Variants in CCDC66 observed in about 807,000 individuals in gnomAD.
CCDC66 encodes the protein coiled-coil domain-containing protein 66.
A neutral mutation model predicts 128.3 loss-of-function variants in CCDC66; 133 were observed. That is an observed-to-expected ratio of 1.04 (90% CI 0.90 to 1.20). The LOEUF (loss-of-function observed/expected upper bound fraction) is 1.20, where lower values mean the gene tolerates loss of function less well. CCDC66 is among the 50% of genes most tolerant of loss of function. The pLI is 0.00. For synonymous variants in CCDC66, 387 were observed against 357.0 expected (o/e 1.08, Z -0.95); for missense variants, 1,126 against 1,075.5 (o/e 1.05, Z -0.66).
chr3:56,621,169 C>CAAA lies in CCDC66; in HGVS notation c.2761-361_2761-359dup, dbSNP rs201468649. 6.8e-3 allele frequency: 877 copies of CAAA among 129,844 alleles called. 13 individuals are homozygous for CAAA. Among genetic ancestry groups the CAAA allele is most frequent in the African/African-American group, 0.024 (816 of 34,060 alleles). The allele number at this position is 129,844 out of a possible 1,614,324, so 8.0% of individuals were successfully genotyped here. A position where few individuals can be genotyped will look rare whatever the true frequency, so the allele number is the denominator to read the frequency against. On this transcript the variant is annotated intron_variant, in intron 17 of 17. Transcript: ENST00000394672. ...GCGAGACTCCATCTCCAAAAAAAAA[C>CAAA]AAAACAACAACAACAAAAAAAAAAC...
chr3:56,618,030 CTA>C (rs2075739608), intron 14 of CCDC66, 140 bp from the exon 15 acceptor site: 2 of 696,424 alleles, frequency 2.9e-6, no homozygotes, highest in East Asian at 2.6e-5. Context: ...CTGGAAAAAA[CTA>C]TATCTATTCC....
chr3:56,576,865 G>C (rs2067466554), intron 7 of CCDC66, among the ~76,000 whole-genome samples: 1 of 151,694 alleles, frequency 6.6e-6, no homozygotes, highest in Non-Finnish European at 1.5e-5. Flanking sequence ...ATTGTGAATA[G>C]TGCCGCAGTA....
chr3:56,586,866 A>G (rs946006323), intron 7 of CCDC66, among the ~76,000 whole-genome samples: 1 of 151,832 alleles, frequency 6.6e-6, no homozygotes, highest in African/African-American at 2.4e-5. Context: ...CGTGGGCAAC[A>G]TAGTGAGACC....
At chr3:56,557,821 G>C (rs2064551894) in intron 1 of CCDC66, 1 of 152,960 alleles carries the variant, frequency 6.5e-6, no homozygotes, top group African/African-American at 2.4e-5. Context: ...GATATTTTGA[G>C]AAGATGAGAA....
At chr3:56,602,869 C>G (rs1356896817) in intron 10 of CCDC66, among the ~76,000 whole-genome samples, 1 of 132,312 alleles carries the variant, frequency 7.6e-6, no homozygotes, top group South Asian at 2.4e-4. Context: ...GAGTGTTGCT[C>G]TGTCACCCAG....
chr3:56,621,762 A>G lies in CCDC66; in HGVS notation c.*144A>G. 2.4e-6 allele frequency: 1 copy of G among 411,728 alleles called. No homozygotes were observed. Among genetic ancestry groups the G allele is most frequent in the Non-Finnish European group, 4.4e-6 (1 of 228,342 alleles). The allele number at this position is 411,728 out of a possible 1,614,324, so 25.5% of individuals were successfully genotyped here. A position where few individuals can be genotyped will look rare whatever the true frequency, so the allele number is the denominator to read the frequency against. On this transcript the variant is annotated 3_prime_UTR_variant, in exon 18 of 18. Coordinates refer to ENST00000394672, the MANE Select transcript of CCDC66 (RefSeq NM_001141947.3). Reference sequence around the variant, plus strand: ...AAAAACTTGTATACTATGTAGTAAAATGCTGTACTTGTTCTATACAATAAA... The same window carrying G: ...AAAAACTTGTATACTATGTAGTAAAGTGCTGTACTTGTTCTATACAATAAA...
intron 2 of CCDC66, 114 bp from the exon 3 acceptor site, chr3:56,559,455 G>A (rs2107696720): frequency 1.5e-6 from 1 of 647,970 alleles, no homozygotes. Flanking sequence ...TTATGCTTTC[G>A]AGGATAATGT....
At position 56,566,998 on chromosome 3, in the gene CCDC66, G is replaced by A; in HGVS notation, c.759G>A (p.Arg253=). 1 of 1,614,184 alleles carries A rather than the reference G, an allele frequency of 6.2e-7. No individual in the cohort carries two copies. The highest frequency in any genetic ancestry group is 1.1e-5 in the South Asian group (1 of 91,086). ...ATATATTCAGTACTCTGGGGGAAAGGGAATGTGATAGAAGTTCGTTGGAAG... is the reference window on the plus strand; with the variant it reads ...ATATATTCAGTACTCTGGGGGAAAGAGAATGTGATAGAAGTTCGTTGGAAG... ...PADIFSTLGE[R]ECDRSSLEAK... Residue 253 remains arginine (R), a synonymous_variant, in exon 6 of 18, where the codon AGG becomes AGA. Coordinates refer to ENST00000394672, the MANE Select transcript of CCDC66 (RefSeq NM_001141947.3).
rs774281068 is a variant in CCDC66 at position 56,594,024 on chromosome 3, A to G, written c.1400A>G (p.His467Arg). 1 of 1,613,054 alleles carries G rather than the reference A, an allele frequency of 6.2e-7. No individual in the cohort carries two copies. The highest frequency in any genetic ancestry group is 2.2e-5 in the East Asian group (1 of 44,872). ...AGACGACGACAAAAACAATTAGAGC[A>G]TCAGGTATTGCATTGTTAAACATTG... Reference protein sequence around the residue: ...RDRRRQKQLEHQKAITAQVEE... With the variant: ...RDRRRQKQLERQKAITAQVEE... Residue 467 changes from histidine to arginine, a missense_variant, in exon 10 of 18, where the codon CAT becomes CGT. His to Arg is a conservative substitution (Grantham distance 29, BLOSUM62 0). Coordinates refer to ENST00000394672, the MANE Select transcript of CCDC66 (RefSeq NM_001141947.3).
intron 15 of CCDC66, 163 bp downstream of exon 15, chr3:56,618,375 T>C (rs2107423016): frequency 1.7e-6 from 1 of 586,474 alleles, no homozygotes; most frequent in Non-Finnish European, 3.0e-6. Context: ...GTGTGGCACT[T>C]TAGCAGGAGC....
chr3:56,599,906 C>T (rs2072841814), intron 10 of CCDC66, among the ~76,000 whole-genome samples: 1 of 152,046 alleles, frequency 6.6e-6, no homozygotes, highest in Admixed American at 6.5e-5. Flanking sequence ...GGTTCAACTC[C>T]CACTTATGAG....
intron 7 of CCDC66, among the ~76,000 whole-genome samples, chr3:56,576,635 C>G (rs1047580880): frequency 6.8e-6 from 1 of 147,414 alleles, no homozygotes; most frequent in Non-Finnish European, 1.5e-5. Context: ...TAGTTCCCAC[C>G]TATAAGTGAG....
At chr3:56,610,515 C>T (rs774393156) in intron 10 of CCDC66, among the ~76,000 whole-genome samples, 43 of 152,272 alleles carry the variant, frequency 2.8e-4, no homozygotes, top group Middle Eastern at 3.4e-3. Flanking sequence ...CTTCGCCTTT[C>T]TCTGGTCCCT....
At position 56,606,365 on chromosome 3, in the gene CCDC66, G is replaced by A. The variant is rs902832639; in HGVS notation, c.1405-7224G>A. Among the ~76,000 whole-genome samples the A allele has an allele frequency of 3.7e-4, 56 of 152,016 alleles. 1 individual carries two copies. Among genetic ancestry groups the A allele is most frequent in the African/African-American group, 1.1e-3 (45 of 41,314 alleles). On this transcript the variant is annotated intron_variant, in intron 10 of 17. Transcript: ENST00000394672. The stretch of plus-strand genomic sequence containing the variant: ...CAGTTAGCTCGGTGTCTGCACAAAC[G>A]GCCGCCCAGTTTTGTGCTTGAAATC...
Position 56,621,809 on chromosome 3 carries a change from G to C in CCDC66, c.*191G>C. 1 of 180,146 alleles carries C rather than the reference G, an allele frequency of 5.6e-6. No individual in the cohort carries two copies. Among genetic ancestry groups the C allele is most frequent in the Non-Finnish European group, 1.1e-5 (1 of 95,114 alleles). The allele number at this position is 180,146 out of a possible 1,614,324, so 11.2% of individuals were successfully genotyped here. On this transcript the variant is annotated 3_prime_UTR_variant, in exon 18 of 18. Transcript: ENST00000394672. ...TAAAACAGATACTTCTTTTGTAAAA[G>C]CTTAGTAGTAAAAAAAAAAAAAAAA... is the stretch of plus-strand genomic sequence containing the variant.
At chr3:56,566,153 T>G (rs1319492959) in intron 4 of CCDC66, among the ~76,000 whole-genome samples, 1 of 152,132 alleles carries the variant, frequency 6.6e-6, no homozygotes, top group African/African-American at 2.4e-5. Context: ...TGAGACGACA[T>G]CTGGCCCAGA....
rs74266053 is a variant in CCDC66 at position 56,594,295 on chromosome 3, G to GTT, written c.1404+279_1404+280dup. ...TTTGTGTTGTCTTAGGTTAGTACTG[G>GTT]TTTTTTTTTTTTTCATCAATTTATT... On this transcript the variant is annotated intron_variant, in intron 10 of 17. Transcript: ENST00000394672. Among the ~76,000 whole-genome samples, 146 of 145,120 alleles carry GTT rather than the reference G, an allele frequency of 1.0e-3. 1 individual carries two copies. In the Middle Eastern group the frequency reaches 0.021, roughly 21 times the overall value.
At chr3:56,615,754 T>G in intron 12 of CCDC66, 168 bp from the exon 13 acceptor site, 1 of 433,688 alleles carries the variant, frequency 2.3e-6, no homozygotes, top group Non-Finnish European at 3.9e-6. Flanking sequence ...TATTAAATGA[T>G]CTCCCTAAAT....
intron 3 of CCDC66, among the ~76,000 whole-genome samples, chr3:56,560,647 G>A (rs1380069910): frequency 6.6e-6 from 1 of 152,238 alleles, no homozygotes; most frequent in East Asian, 1.9e-4. Flanking sequence ...TTGAACCCTG[G>A]AGATGGAGGT....
Sources: allele counts gnomAD v4.1 joint callset (sites outside exome capture counted in the v4.1 genomes callset), GRCh38; gene constraint gnomAD v4.1.1; transcripts MANE v1.5; gene names NCBI Gene and HGNC (gene_info 2026-07-23, HGNC 2026-07-21).